The following RIC3 variants were observed in gnomAD, a reference collection of about 807,000 sequenced individuals.
The protein encoded by RIC3 is RIC3 acetylcholine receptor chaperone.
A neutral mutation model predicts 27.3 loss-of-function variants in RIC3; 28 were observed. The ratio of observed to expected loss-of-function variants is 1.02; its 90% CI spans 0.76 to 1.41. RIC3 has a LOEUF of 1.41. Among genes scored for constraint, RIC3 ranks in the 40% most tolerant of loss-of-function variants. The pLI is 0.00. For missense variants in RIC3, 501 were observed against 444.7 expected, an observed-to-expected ratio of 1.13 and a Z score of -1.14; for synonymous variants, 184 against 160.4, an observed-to-expected ratio of 1.15 and a Z score of -1.11.
chr11:8,124,108 A>AAAGCAAGCAAGC (rs201131362), intron 5 of RIC3, among the ~76,000 whole-genome samples: 4 of 150,618 alleles, frequency 2.7e-5, no homozygotes, highest in Non-Finnish European at 5.9e-5. Context: ...AGAAAAAGAG[A>AAAGCAAGCAAGC]AAGCAAGCAA....
At chr11:8,162,116 C>T (rs1951226456) in intron 1 of RIC3, among the ~76,000 whole-genome samples, 1 of 152,186 alleles carries the variant, frequency 6.6e-6, no homozygotes, top group African/African-American at 2.4e-5. Context: ...CCTGAGAGGG[C>T]AGCCAGAGCA....
the RIC3 span, among the ~76,000 whole-genome samples, chr11:8,099,921 T>C: frequency 3.3e-5 from 5 of 152,142 alleles, no homozygotes; most frequent in Non-Finnish European, 7.3e-5. Context: ...AGGAAGGTCA[T>C]GGGGCCACGT....
At chr11:8,155,419 T>C (rs889488029) in intron 1 of RIC3, among the ~76,000 whole-genome samples, 4 of 151,582 alleles carry the variant, frequency 2.6e-5, no homozygotes, top group African/African-American at 9.7e-5. Context: ...CTACTAAAAA[T>C]ACAAAAATTA....
chr11:8,093,964 C>G, the RIC3 span: 1 of 1,562,812 alleles, frequency 6.4e-7, no homozygotes, highest in Non-Finnish European at 8.8e-7. Context: ...AAATGCTGTG[C>G]TGGGGACTGT....
chr11:8,128,750 CTTTTT>C (rs1177448703), intron 4 of RIC3, among the ~76,000 whole-genome samples: 2 of 88,504 alleles, frequency 2.3e-5, no homozygotes, highest in East Asian at 3.1e-4. Context: ...GTTGCAAAAA[CTTTTT>C]TTTTTTTTTT....
At chr11:8,153,280 G>A (rs1036048755) in intron 1 of RIC3, 11 of 352,284 alleles carry the variant, frequency 3.1e-5, no homozygotes, top group African/African-American at 2.4e-4. Context: ...CACTATGTCA[G>A]GCTCTGAGAT....
At chr11:8,100,645 T>C in the RIC3 span, 1 of 1,587,996 alleles carries the variant, frequency 6.3e-7, no homozygotes, top group Non-Finnish European at 8.6e-7. Context: ...ATCATCCTAG[T>C]CTCTGCATGA....
chr11:8,153,515 T>A (rs1950418955), intron 1 of RIC3: 1 of 409,030 alleles, frequency 2.4e-6, no homozygotes. Flanking sequence ...CCTGCCTTAA[T>A]CTCTATGGCA....
chr11:8,153,973 C>T (rs953599006), intron 1 of RIC3, among the ~76,000 whole-genome samples: 9 of 152,172 alleles, frequency 5.9e-5, no homozygotes, highest in Non-Finnish European at 1.2e-4. Flanking sequence ...GTAAAGTTAA[C>T]AGGCCTCTAC....
intron 4 of RIC3, among the ~76,000 whole-genome samples, chr11:8,130,502 C>T (rs1030848278): frequency 2.6e-5 from 4 of 152,174 alleles, no homozygotes; most frequent in Non-Finnish European, 5.9e-5. Context: ...CCTCCTCGTA[C>T]TCCAAATTTT....
downstream of RIC3, chr11:8,102,101 A>G (rs1430323323): frequency 1.3e-5 from 2 of 154,552 alleles, no homozygotes; most frequent in South Asian, 2.0e-4. Flanking sequence ...TATGTAGCAA[A>G]GGGCTTGGTG....
chr11:8,100,842 T>A, the RIC3 span: 133 of 1,614,146 alleles, frequency 8.2e-5, no homozygotes, highest in Non-Finnish European at 1.0e-4. Flanking sequence ...GAGACACTGC[T>A]AGCACGCTGG....
At chr11:8,164,302 G>C (rs1390227713) in intron 1 of RIC3, among the ~76,000 whole-genome samples, 1 of 151,996 alleles carries the variant, frequency 6.6e-6, no homozygotes, top group Non-Finnish European at 1.5e-5. Context: ...AAAAGCAGGA[G>C]AAACAAAAGA....
chr11:8,101,568 G>A (rs1944307674), downstream of RIC3: 1 of 1,614,136 alleles, frequency 6.2e-7, no homozygotes. Context: ...GTGCACTGCA[G>A]GCCTTTGCCA....
At chr11:8,168,780 A>G (rs1169674652) in intron 1 of RIC3, 86 bp downstream of exon 1, 19 of 1,509,506 alleles carry the variant, frequency 1.3e-5, no homozygotes, top group Non-Finnish European at 1.7e-5. Flanking sequence ...TGAAGGCTGC[A>G]GACTCTCAGA....
chr11:8,145,796 T>G (rs1949618663), intron 1 of RIC3, among the ~76,000 whole-genome samples: 1 of 152,006 alleles, frequency 6.6e-6, no homozygotes, highest in African/African-American at 2.4e-5. Context: ...GAGATAACAT[T>G]ATAGAACAGA....
intron 1 of RIC3, among the ~76,000 whole-genome samples, chr11:8,141,939 C>T (rs1440013551): frequency 6.6e-5 from 10 of 151,724 alleles, no homozygotes; most frequent in Admixed American, 2.0e-4. Flanking sequence ...GGATACATAA[C>T]GAAACGAAGG....
chr11:8,111,229 A>G, intron 5 of RIC3, 92 bp from the exon 6 acceptor site: 1 of 916,108 alleles, frequency 1.1e-6, no homozygotes, highest in Non-Finnish European at 1.6e-6. Flanking sequence ...CTCAGGCAGC[A>G]GCCATCCTAT....
chr11:8,131,638 C>G (rs1181159026), intron 4 of RIC3, among the ~76,000 whole-genome samples: 1 of 151,994 alleles, frequency 6.6e-6, no homozygotes, highest in Non-Finnish European at 1.5e-5. Flanking sequence ...CGGTGGCTCA[C>G]GACTGTAATC....
Sources: allele counts gnomAD v4.1 joint callset (sites outside exome capture counted in the v4.1 genomes callset), GRCh38; gene constraint gnomAD v4.1.1; transcripts MANE v1.5; gene names NCBI Gene and HGNC (gene_info 2026-07-23, HGNC 2026-07-21).